Variants in MCM4 observed in about 807,000 individuals in gnomAD.
MCM4 encodes the protein DNA replication licensing factor MCM4.
In MCM4, 60 loss-of-function variants were observed where a neutral mutation model predicts 88.7. The observed-to-expected ratio is 0.68, with a 90% confidence interval of 0.55 to 0.84. The LOEUF (loss-of-function observed/expected upper bound fraction) is 0.84, where lower values mean the gene tolerates loss of function less well. Ranked by LOEUF, MCM4 falls within the 40% of genes least tolerant of loss-of-function variation. The probability of loss-of-function intolerance (pLI) is 0.00; values close to 1 mark genes in which losing one functional copy is unlikely to be tolerated. For missense variants in MCM4, 1,149 were observed against 1,105.5 expected (o/e 1.04, Z -0.56); for synonymous variants, 465 against 410.5 (o/e 1.13, Z -1.61).
chr8:47,961,603 C>G lies in MCM4; in HGVS notation c.158C>G (p.Thr53Ser). The stretch of plus-strand genomic sequence containing the variant: ...ACGGGGGAGTTGCAGCCGATGCCAA[C>G]CTCGCCTGGAGTGGACCTGCAGAGC... The part of the protein sequence containing the change: ...TSTGELQPMP[T>S]SPGVDLQSPA... Residue 53 changes from threonine to serine, a missense_variant, in exon 3 of 17, where the codon ACC becomes AGC. Coordinates refer to ENST00000649973, the MANE Select transcript of MCM4 (RefSeq NM_182746.3). 6.2e-7 allele frequency: 1 copy of G among 1,614,172 alleles called. No individual in the cohort carries two copies. Among genetic ancestry groups the G allele is most frequent in the Non-Finnish European group, 8.5e-7 (1 of 1,180,030 alleles).
At position 47,973,018 on chromosome 8, in the gene MCM4, C is replaced by T; in HGVS notation, c.2090C>T (p.Thr697Ile). Reference sequence around the variant, plus strand: ...GACTACATTGCCTACGCGCACAGCACCATCATGCCGCGGCTAAGTGAGGAA... The same window carrying T: ...GACTACATTGCCTACGCGCACAGCATCATCATGCCGCGGCTAAGTGAGGAA... The part of the protein sequence containing the change: ...LKDYIAYAHS[T>I]IMPRLSEEAS... The change falls in exon 14 of 17, where the codon ACC becomes ATC. Residue 697 changes from threonine to isoleucine, a missense_variant. This residue lies in a region of MCM4 where 238 missense variants were observed against 241.6 expected (regional missense o/e 0.99). Coordinates refer to ENST00000649973, the MANE Select transcript of MCM4 (RefSeq NM_182746.3). The T allele has an allele frequency of 1.2e-6, 2 of 1,614,050 alleles. No homozygotes were observed. Among genetic ancestry groups the T allele is most frequent in the South Asian group, 2.2e-5 (2 of 91,072 alleles).
At position 47,974,843 on chromosome 8, in the gene MCM4, T is replaced by G; in HGVS notation, c.2246T>G (p.Leu749Trp). 6.2e-7 allele frequency: 1 copy of G among 1,614,228 alleles called. No individual in the cohort carries two copies. The highest frequency in any genetic ancestry group is 8.5e-7 in the Non-Finnish European group (1 of 1,180,050). ...RLAEAHAKVR[L>W]SNKVEAIDVE... Reference sequence around the variant, plus strand: ...GCAGAAGCCCATGCTAAAGTAAGATTGTCTAACAAAGTTGAAGCCATTGAT... The same window carrying G: ...GCAGAAGCCCATGCTAAAGTAAGATGGTCTAACAAAGTTGAAGCCATTGAT... Residue 749 changes from leucine to tryptophan, a missense_variant, in exon 15 of 17, where the codon TTG (leucine) becomes TGG (tryptophan). Physicochemically the swap from Leu to Trp is moderately conservative, Grantham distance 61. Transcript: ENST00000649973.
rs2090988275 is a variant in MCM4 at position 47,974,880 on chromosome 8, C to G, written c.2283C>G (p.Ala761=). ...TTGAAGCCATTGATGTGGAAGAGGC[C>G]AAACGCCTCCATCGGGAAGCTCTGA... is the stretch of plus-strand genomic sequence containing the variant. ...NKVEAIDVEE[A]KRLHREALKQ... Residue 761 remains alanine (A), a synonymous_variant, in exon 15 of 17, where the codon GCC becomes GCG. Coordinates refer to ENST00000649973, the MANE Select transcript of MCM4 (RefSeq NM_182746.3). The G allele has an allele frequency of 6.2e-7, 1 of 1,614,162 alleles. No individual in the cohort carries two copies. The highest frequency in any genetic ancestry group is 8.5e-7 in the Non-Finnish European group (1 of 1,180,022).
rs752870043 is a variant in MCM4 at position 47,975,816 on chromosome 8, C to G, written c.2467C>G (p.Leu823Val). 5.7e-6 allele frequency: 9 copies of G among 1,582,710 alleles called. No individual in the cohort carries two copies. The highest frequency in any genetic ancestry group is 7.7e-6 in the Non-Finnish European group (9 of 1,168,680). ...AACACCAGCTCTAAAATACCAGCAA[C>G]TTTTTGAAGATATTCGGGGACAATC... ...GKTPALKYQQ[L>V]FEDIRGQSDI... Residue 823 changes from leucine to valine, a missense_variant, in exon 16 of 17, where the codon CTT becomes GTT. By Grantham distance (32) the Leu-to-Val change is conservative (BLOSUM62 1). Transcript: ENST00000649973.
chr8:47,962,728 G>T, intron 5 of MCM4, 36 bp from the exon 6 acceptor site: 2 of 1,256,706 alleles, frequency 1.6e-6, no homozygotes, highest in Non-Finnish European at 2.3e-6. Flanking sequence ...GTTCCCAAAT[G>T]CTATATGCCT....
chr8:47,963,812 G>C (rs1221631832), intron 7 of MCM4, among the ~76,000 whole-genome samples: 1 of 152,176 alleles, frequency 6.6e-6, no homozygotes, highest in East Asian at 1.9e-4. Flanking sequence ...TTTGAATCTT[G>C]GTTTTGCTGA....
chr8:47,971,894 GT>G (rs1163875447), intron 13 of MCM4, among the ~76,000 whole-genome samples: 2 of 151,130 alleles, frequency 1.3e-5, no homozygotes, highest in Admixed American at 1.3e-4. Context: ...TTTGACAGAA[GT>G]TTTTTTTCCC....
At chr8:47,962,716 CTG>C (rs2090856148) in intron 5 of MCM4, 46 bp from the exon 6 acceptor site, 1 of 1,069,466 alleles carries the variant, frequency 9.4e-7, no homozygotes, top group Admixed American at 2.2e-5. Flanking sequence ...TAGTAGTTGC[CTG>C]TTCCCAAATG....
In MCM4 at chr8:47,967,254, G is replaced by A. The variant is rs148547972; in HGVS notation, c.1054-111G>A. On this transcript the variant is annotated intron_variant, in intron 9 of 16. Coordinates refer to ENST00000649973, the MANE Select transcript of MCM4 (RefSeq NM_182746.3). ...ATGAGAAACATGGACAATCATTTAT[G>A]TGGGGATATGCACTGCAGCCTTATA... The A allele has an allele frequency of 1.8e-5, 20 of 1,100,600 alleles. No homozygotes were observed. In the African/African-American group the frequency reaches 3.2e-4, roughly 17 times the overall value. The allele number at this position is 1,100,600 out of a possible 1,614,324, so 68.2% of individuals were successfully genotyped here.
chr8:47,976,574 C>A (rs1487549613), intron 16 of MCM4, 112 bp from the exon 17 acceptor site: 2 of 725,624 alleles, frequency 2.8e-6, no homozygotes, highest in Non-Finnish European at 4.6e-6. Context: ...TGTACAGCCA[C>A]CAAAAAGAGA....
Position 47,977,224 on chromosome 8 carries a change from C to T in MCM4, c.*446C>T, listed in dbSNP as rs2091009111. The T allele has an allele frequency of 6.7e-6, 1 of 148,864 alleles. No homozygotes were observed. Among genetic ancestry groups the T allele is most frequent in the African/African-American group, 2.5e-5 (1 of 40,162 alleles). The allele number at this position is 148,864 out of a possible 1,614,324, so 9.2% of individuals were successfully genotyped here. Reference sequence around the variant, plus strand: ...GAGGTTGCAGTGAGCCAAGATCGCGCCACTGCACTCCAGCCTCAGCAATAG... The same window carrying T: ...GAGGTTGCAGTGAGCCAAGATCGCGTCACTGCACTCCAGCCTCAGCAATAG... On this transcript the variant is annotated 3_prime_UTR_variant, in exon 17 of 17. Coordinates refer to ENST00000649973, the MANE Select transcript of MCM4 (RefSeq NM_182746.3).
intron 5 of MCM4, 22 bp from the exon 6 acceptor site, chr8:47,962,742 A>G (rs779844696): frequency 1.7e-5 from 25 of 1,467,162 alleles, no homozygotes; most frequent in Admixed American, 1.5e-4. Context: ...TATGCCTAAT[A>G]CAGTTTTCTC....
chr8:47,968,385 G>A (rs1173432734), intron 10 of MCM4, among the ~76,000 whole-genome samples: 1 of 152,188 alleles, frequency 6.6e-6, no homozygotes, highest in African/African-American at 2.4e-5. Context: ...TTGAAAGAAT[G>A]CGTAGTTTTT....
Position 47,962,879 on chromosome 8 carries a change from A to G in MCM4, c.597+20A>G. ...GGGGAGGTAATCAAATACTCTTTAA[A>G]TTCAAGTTACGTGTTTTAAAATAGT... On this transcript the variant is annotated intron_variant, in intron 6 of 16. Coordinates refer to ENST00000649973, the MANE Select transcript of MCM4 (RefSeq NM_182746.3). The G allele has an allele frequency of 6.3e-7, 1 of 1,582,360 alleles. No individual in the cohort carries two copies. Among genetic ancestry groups the G allele is most frequent in the Non-Finnish European group, 8.6e-7 (1 of 1,161,896 alleles).
At chr8:47,966,926 C>T (rs533434337) in intron 9 of MCM4, among the ~76,000 whole-genome samples, 2 of 152,290 alleles carry the variant, frequency 1.3e-5, no homozygotes, top group South Asian at 2.1e-4. Context: ...TCTGTGACTG[C>T]GTGTGCATGG....
At chr8:47,966,495 C>A in intron 9 of MCM4, 88 bp downstream of exon 9, 1 of 1,288,164 alleles carries the variant, frequency 7.8e-7, no homozygotes. Flanking sequence ...GGACCCTGAG[C>A]CTCACTTCCC....
chr8:47,970,922 T>C (rs772746950), intron 12 of MCM4, 46 bp downstream of exon 12: 26 of 1,536,252 alleles, frequency 1.7e-5, no homozygotes, highest in Middle Eastern at 3.5e-4. Flanking sequence ...TTAAAATATG[T>C]GGACCCTTGA....
intron 7 of MCM4, among the ~76,000 whole-genome samples, chr8:47,964,320 A>G (rs1050657019): frequency 1.3e-5 from 2 of 152,256 alleles, no homozygotes; most frequent in African/African-American, 4.8e-5. Context: ...CCCTTCTAAT[A>G]GAAAGCAAAG....
Position 47,973,055 on chromosome 8 carries a change from T to G in MCM4, c.2127T>G (p.Ala709=). The change falls in exon 14 of 17, where the codon GCT becomes GCG. Residue 709 remains alanine (A), a synonymous_variant. Transcript: ENST00000649973. ...GGCTAAGTGAGGAAGCCAGCCAGGC[T>G]CTCATCGAGGTAACCCTGCTGAAAA... ...MPRLSEEASQ[A]LIEAYVDMRK... The G allele has an allele frequency of 6.2e-7, 1 of 1,613,276 alleles. No homozygotes were observed. Among genetic ancestry groups the G allele is most frequent in the Non-Finnish European group, 8.5e-7 (1 of 1,179,928 alleles).
Sources: allele counts gnomAD v4.1 joint callset (sites outside exome capture counted in the v4.1 genomes callset), GRCh38; gene constraint gnomAD v4.1.1; regional missense constraint gnomAD v4.1.1; transcripts MANE v1.5; gene names NCBI Gene and HGNC (gene_info 2026-07-23, HGNC 2026-07-21).